STK38: variants seen among roughly 807,000 people sequenced by gnomAD.
STK38 encodes serine/threonine kinase 38, also known as serine/threonine-protein kinase 38.
A neutral mutation model predicts 59.0 loss-of-function variants in STK38; 26 were observed. The ratio of observed to expected loss-of-function variants is 0.44; its 90% CI spans 0.32 to 0.61. The LOEUF (loss-of-function observed/expected upper bound fraction) is 0.61, where lower values mean the gene tolerates loss of function less well. STK38 is among the 20% of genes least tolerant of loss of function. The pLI, the probability that STK38 is intolerant of heterozygous loss-of-function variation, is 0.04. For synonymous variants in STK38, 175 were observed against 176.6 expected, an observed-to-expected ratio of 0.99 and a Z score of 0.07; for missense variants, 433 against 566.0, an observed-to-expected ratio of 0.76 and a Z score of 2.38.
chr6:36,506,776 G>A lies in STK38; in HGVS notation c.773-132C>T, dbSNP rs964605992. 24 of 718,042 alleles carry A rather than the reference G, an allele frequency of 3.3e-5. No homozygotes were observed. In the South Asian group the frequency reaches 3.5e-4, roughly 10 times the overall value. The allele number at this position is 718,042 out of a possible 1,614,324, so 44.5% of individuals were successfully genotyped here. On this transcript the variant is annotated intron_variant, in intron 8 of 13. Transcript: ENST00000229812. ...TTCTACTCATACATCAAAAGCTCCAGATGATACATATCCTAGTACGTTTAC... is the reference window on the plus strand; with the variant it reads ...TTCTACTCATACATCAAAAGCTCCAAATGATACATATCCTAGTACGTTTAC...
intron 9 of STK38, among the ~76,000 whole-genome samples, chr6:36,501,402 A>G (rs1561972746): frequency 6.6e-6 from 1 of 152,182 alleles, no homozygotes; most frequent in Non-Finnish European, 1.5e-5. Context: ...TAAATATTAT[A>G]TAATTTTTTA....
intron 2 of STK38, among the ~76,000 whole-genome samples, chr6:36,536,041 T>A (rs1777782578): frequency 1.3e-5 from 2 of 152,086 alleles, no homozygotes; most frequent in Admixed American, 1.3e-4. Flanking sequence ...ACTTCAAAAC[T>A]TACTACAAAG....
chr6:36,496,810 CAAGAATACACATGCCAAA>C lies in STK38; in HGVS notation c.1173-23_1173-6del. 6.2e-7 allele frequency: 1 copy of C among 1,601,620 alleles called. No homozygotes were observed. The highest frequency in any genetic ancestry group is 8.5e-7 in the Non-Finnish European group (1 of 1,171,006). ...GATATTGCAGCAGGTCTCTCTCTGC[CAAGAATACACATGCCAAA>C]AATTACTAAGTTAGTAATCAAATGG... On this transcript the variant is annotated splice_region_variant and splice_polypyrimidine_tract_variant and intron_variant, in intron 12 of 13. Transcript: ENST00000229812.
intron 2 of STK38, among the ~76,000 whole-genome samples, chr6:36,527,366 T>TAC (rs60339207): frequency 0.018 from 2,562 of 145,658 alleles, 51 homozygotes; most frequent in African/African-American, 0.044. Context: ...TATATATTAG[T>TAC]ACACACACAC....
intron 2 of STK38, among the ~76,000 whole-genome samples, chr6:36,532,289 A>G (rs896444904): frequency 6.8e-6 from 1 of 147,502 alleles, no homozygotes; most frequent in Admixed American, 6.8e-5. Flanking sequence ...CCTGGGTGAC[A>G]CAGTGAGACC....
At chr6:36,504,898 CAAAAAA>C (rs562032331) in intron 9 of STK38, among the ~76,000 whole-genome samples, 1 of 64,070 alleles carries the variant, frequency 1.6e-5, no homozygotes, top group African/African-American at 5.9e-5. Flanking sequence ...TCCTGGCCTC[CAAAAAA>C]AAAAAAAAAA....
At chr6:36,536,977 A>G (rs2127489622) in intron 2 of STK38, among the ~76,000 whole-genome samples, 1 of 152,188 alleles carries the variant, frequency 6.6e-6, no homozygotes, top group East Asian at 1.9e-4. Context: ...TGTTAACAAG[A>G]TGAGCAAGAA....
intron 7 of STK38, among the ~76,000 whole-genome samples, chr6:36,514,865 A>C (rs1476366053): frequency 6.6e-6 from 1 of 151,064 alleles, no homozygotes; most frequent in East Asian, 1.9e-4. Context: ...AAAAAAAAAA[A>C]AAAGAGGCTG....
chr6:36,542,255 C>A (rs1056966538), intron 1 of STK38, among the ~76,000 whole-genome samples: 1 of 152,244 alleles, frequency 6.6e-6, no homozygotes. Context: ...TATGCTCTGA[C>A]ACAGCCTTAA....
At position 36,515,518 on chromosome 6, in the gene STK38, C is replaced by CCACACACACA. The variant is rs66494457; in HGVS notation, c.515-36_515-27dup. The CCACACACACA allele has an allele frequency of 4.3e-4, 659 of 1,538,470 alleles. 2 individuals are homozygous for CCACACACACA. Among genetic ancestry groups the CCACACACACA allele is most frequent in the African/African-American group, 2.6e-3 (180 of 69,552 alleles). ...CTGGAAACAAGAAGATACAAAGCCA[C>CCACACACACA]CACACACACACACACACACACACAC... On this transcript the variant is annotated intron_variant, in intron 6 of 13. Coordinates refer to ENST00000229812, the MANE Select transcript of STK38 (RefSeq NM_007271.4).
chr6:36,534,694 T>G (rs1454031814), intron 2 of STK38, among the ~76,000 whole-genome samples: 1 of 152,018 alleles, frequency 6.6e-6, no homozygotes, highest in South Asian at 2.1e-4. Flanking sequence ...AATTAGAACA[T>G]AAGGAAACTG....
At position 36,507,605 on chromosome 6, in the gene STK38, A is replaced by G. The variant is rs532228314; in HGVS notation, c.670-3T>C. On this transcript the variant is annotated splice_polypyrimidine_tract_variant and splice_region_variant and intron_variant, in intron 7 of 13. Coordinates refer to ENST00000229812, the MANE Select transcript of STK38 (RefSeq NM_007271.4). ...AAGTCAGAAAGTTTCACATGGCCCT[A>G]TGGGGAAGAAACAAGGTGATAGATG... 1.2e-5 allele frequency: 20 copies of G among 1,611,810 alleles called. No individual in the cohort carries two copies. The South Asian group carries it at 1.9e-4, about 15-fold the overall frequency.
intron 10 of STK38, 131 bp from the exon 11 acceptor site, chr6:36,498,617 T>G: frequency 9.6e-7 from 1 of 1,041,942 alleles, no homozygotes; most frequent in Non-Finnish European, 1.3e-6. Context: ...AGACAGGGTC[T>G]CACTCTGTTA....
intron 2 of STK38, among the ~76,000 whole-genome samples, chr6:36,534,926 T>C (rs1432590881): frequency 6.6e-6 from 1 of 151,186 alleles, no homozygotes; most frequent in East Asian, 1.9e-4. Flanking sequence ...TAGAAAATCC[T>C]AAATATGCAA....
At chr6:36,515,268 T>A in intron 7 of STK38, 70 bp downstream of exon 7, 1 of 1,544,306 alleles carries the variant, frequency 6.5e-7, no homozygotes, top group East Asian at 2.3e-5. Context: ...ACCACAGGGG[T>A]GCAGGTGTTA....
At chr6:36,535,585 T>C (rs1021672089) in intron 2 of STK38, among the ~76,000 whole-genome samples, 1 of 151,640 alleles carries the variant, frequency 6.6e-6, no homozygotes. Flanking sequence ...ATAATTCCAA[T>C]AGTAATTCCA....
chr6:36,515,556 A>ACACACACACAC, intron 6 of STK38, 64 bp from the exon 7 acceptor site: 1 of 1,544,634 alleles, frequency 6.5e-7, no homozygotes. Context: ...ACACACACAC[A>ACACACACACAC]ACATACGAGT....
At chr6:36,542,430 A>T (rs1254453839) in intron 1 of STK38, among the ~76,000 whole-genome samples, 1 of 152,200 alleles carries the variant, frequency 6.6e-6, no homozygotes, top group Non-Finnish European at 1.5e-5. Flanking sequence ...ATTTTACACA[A>T]GAAAAAAACA....
chr6:36,542,684 C>A (rs1395971434), intron 1 of STK38, among the ~76,000 whole-genome samples: 2 of 151,952 alleles, frequency 1.3e-5, no homozygotes, highest in Non-Finnish European at 2.9e-5. Context: ...GTGGCTCACG[C>A]CTGTAATCCC....
Sources: gnomAD v4.1 joint callset for allele counts (sites outside exome capture counted in the v4.1 genomes callset) on GRCh38, gnomAD v4.1.1 for gene constraint, MANE v1.5 for transcripts, NCBI Gene and HGNC (gene_info 2026-07-23, HGNC 2026-07-21) for gene names.